Variants in GALNTL6 observed in about 807,000 individuals in gnomAD.
GALNTL6 encodes polypeptide N-acetylgalactosaminyltransferase like 6, also known as polypeptide N-acetylgalactosaminyltransferase-like 6.
GALNTL6 carries 46 observed loss-of-function variants against 73.7 expected under a neutral mutation model. The observed-to-expected ratio is 0.62, with a 90% CI of 0.49 to 0.80. The LOEUF is 0.80. Among genes scored for constraint, GALNTL6 ranks in the 30% least tolerant of loss-of-function variants. The pLI is 0.00. For synonymous variants in GALNTL6, 259 were observed against 263.7 expected (o/e 0.98, Z 0.17); for missense variants, 604 against 755.0 (o/e 0.80, Z 2.34).
chr4:172,819,459 T>A (rs1373251200), intron 7 of GALNTL6, among the ~76,000 whole-genome samples: 2 of 152,190 alleles, frequency 1.3e-5, no homozygotes. Context: ...ATTCAACTTA[T>A]TTTTACAAAA....
At chr4:172,680,995 G>A (rs915258687) in intron 5 of GALNTL6, among the ~76,000 whole-genome samples, 3 of 152,132 alleles carry the variant, frequency 2.0e-5, no homozygotes, top group African/African-American at 7.2e-5. Flanking sequence ...CACAGAAAAG[G>A]ATTCCATGTT....
intron 7 of GALNTL6, among the ~76,000 whole-genome samples, chr4:172,869,039 A>G (rs1273707553): frequency 6.6e-6 from 1 of 152,200 alleles, no homozygotes; most frequent in East Asian, 1.9e-4. Flanking sequence ...AATTGTGCAG[A>G]CATTAAATAC....
intron 2 of GALNTL6, among the ~76,000 whole-genome samples, chr4:171,985,430 A>G (rs1217345641): frequency 6.6e-6 from 1 of 152,186 alleles, no homozygotes; most frequent in African/African-American, 2.4e-5. Context: ...GGTCCCTCCC[A>G]CAACATGTGG....
In GALNTL6 at chr4:172,893,342, TGG is replaced by T. The variant is rs1342666940; in HGVS notation, c.1041+10436_1041+10437del. Among the ~76,000 whole-genome samples, 1,015 of 129,724 alleles carry T rather than the reference TGG, an allele frequency of 7.8e-3. 19 individuals carry two copies. The highest frequency in any genetic ancestry group is 0.031 in the African/African-American group (954 of 30,524). 85.1% of individuals were successfully genotyped at this position (129,724 alleles called of 152,430 possible). ...ATCACTCTTCTAAGTGTTCTGAGAG[TGG>T]CGGGGGGGGGGTCTTCCCCTTCTCA... On this transcript the variant is annotated intron_variant, in intron 8 of 12. Transcript: ENST00000506823.
At chr4:172,176,061 T>C (rs971412005) in intron 2 of GALNTL6, among the ~76,000 whole-genome samples, 19 of 152,092 alleles carry the variant, frequency 1.2e-4, no homozygotes, top group Admixed American at 3.9e-4. Context: ...GTATTCAGGC[T>C]GGGCGCGGTG....
At chr4:172,838,826 A>G (rs975742443) in intron 7 of GALNTL6, among the ~76,000 whole-genome samples, 10 of 152,212 alleles carry the variant, frequency 6.6e-5, no homozygotes, top group Admixed American at 5.2e-4. Context: ...ATAATAAAAA[A>G]GTCTTAAATT....
intron 5 of GALNTL6, among the ~76,000 whole-genome samples, chr4:172,389,918 CT>C (rs1376618213): frequency 1.3e-5 from 2 of 151,942 alleles, no homozygotes; most frequent in African/African-American, 4.8e-5. Flanking sequence ...GCTAGTTTTT[CT>C]TTAAAAATGA....
intron 7 of GALNTL6, among the ~76,000 whole-genome samples, chr4:172,830,507 T>C (rs1386857708): frequency 1.3e-5 from 2 of 152,212 alleles, no homozygotes; most frequent in Non-Finnish European, 2.9e-5. Flanking sequence ...GGTCAAAATC[T>C]TTGTTTTTGC....
chr4:172,758,497 C>T (rs1391998375), intron 5 of GALNTL6, among the ~76,000 whole-genome samples: 2 of 152,210 alleles, frequency 1.3e-5, no homozygotes, highest in African/African-American at 4.8e-5. Flanking sequence ...GATCACGCCC[C>T]TGCACTCCAG....
At position 172,184,826 on chromosome 4, in the gene GALNTL6, G is replaced by C. The variant is rs539076525; in HGVS notation, c.139-44830G>C. Among the ~76,000 whole-genome samples, 11 of 152,318 alleles carry C rather than the reference G, an allele frequency of 7.2e-5. No individual in the cohort carries two copies. The East Asian group carries it at 2.1e-3, about 29-fold the overall frequency. On this transcript the variant is annotated intron_variant, in intron 2 of 12. Coordinates refer to ENST00000506823, the MANE Select transcript of GALNTL6 (RefSeq NM_001034845.3). ...ATGGCAAAAGGTAGAAGGACAAGGG[G>C]GCTGGGGTGAGAGAGAGAGTGTGTT...
Position 172,893,395 on chromosome 4 carries a change from A to G in GALNTL6, c.1041+10488A>G, listed in dbSNP as rs1746153022. 2.6e-5 allele frequency among the ~76,000 whole-genome samples: 4 copies of G among 151,440 alleles called. No homozygotes were observed. The South Asian group carries it at 8.4e-4, about 32-fold the overall frequency. On this transcript the variant is annotated intron_variant, in intron 8 of 12. Transcript: ENST00000506823. ...AACTCAAGCCAAAGATCTCAGCTCCAAACCCCTGGACAGTGTGCTCGAATC... is the reference window on the plus strand; with the variant it reads ...AACTCAAGCCAAAGATCTCAGCTCCGAACCCCTGGACAGTGTGCTCGAATC...
At chr4:172,383,606 G>T (rs1048744307) in intron 5 of GALNTL6, among the ~76,000 whole-genome samples, 1 of 151,982 alleles carries the variant, frequency 6.6e-6, no homozygotes, top group Non-Finnish European at 1.5e-5. Context: ...TAATTGTCCT[G>T]GTTAGAATCT....
Position 172,348,759 on chromosome 4 carries a change from A to G in GALNTL6, c.553+70A>G, listed in dbSNP as rs1022762793. The G allele has an allele frequency of 4.9e-6, 5 of 1,017,548 alleles. No homozygotes were observed. The African/African-American group carries it at 8.2e-5, about 17-fold the overall frequency. The allele number at this position is 1,017,548 out of a possible 1,614,324, so 63.0% of individuals were successfully genotyped here. Reference sequence around the variant, plus strand: ...ACATAATCATTAAGGACTTTTTAAAAAAGACAATGGGAGCTTCTTTCTGAT... The same window carrying G: ...ACATAATCATTAAGGACTTTTTAAAGAAGACAATGGGAGCTTCTTTCTGAT... On this transcript the variant is annotated intron_variant, in intron 5 of 12. Transcript: ENST00000506823.
intron 7 of GALNTL6, among the ~76,000 whole-genome samples, chr4:172,841,358 G>A (rs372523608): frequency 5.4e-4 from 82 of 152,172 alleles, no homozygotes; most frequent in South Asian, 4.4e-3. Flanking sequence ...CAATACTATC[G>A]TTAATCCCTT....
At chr4:172,087,767 A>G (rs1357787781) in intron 2 of GALNTL6, among the ~76,000 whole-genome samples, 1 of 151,936 alleles carries the variant, frequency 6.6e-6, no homozygotes, top group Non-Finnish European at 1.5e-5. Flanking sequence ...TAGCAGAAAA[A>G]AAAAAAACAG....
intron 5 of GALNTL6, among the ~76,000 whole-genome samples, chr4:172,775,139 T>A (rs1309039855): frequency 6.6e-6 from 1 of 152,102 alleles, no homozygotes; most frequent in Non-Finnish European, 1.5e-5. Flanking sequence ...TTTCTTGAGA[T>A]GACCAAATAT....
At chr4:171,853,571 G>T (rs1372689981) in intron 2 of GALNTL6, among the ~76,000 whole-genome samples, 9 of 55,026 alleles carry the variant, frequency 1.6e-4, no homozygotes, top group Admixed American at 4.8e-4. Context: ...CAAGCTTTTT[G>T]CTTTTTTCTC....
intron 3 of GALNTL6, among the ~76,000 whole-genome samples, chr4:172,261,483 G>C (rs576288585): frequency 6.6e-6 from 1 of 151,378 alleles, no homozygotes; most frequent in Non-Finnish European, 1.5e-5. Context: ...GAGACTATTT[G>C]GATCTTCTCC....
chr4:172,956,809 T>C (rs1051694809), intron 10 of GALNTL6, among the ~76,000 whole-genome samples: 6 of 152,188 alleles, frequency 3.9e-5, no homozygotes, highest in Non-Finnish European at 8.8e-5. Flanking sequence ...GTGAGGTGTG[T>C]CTTTAAAAGA....
Sources: gnomAD v4.1 joint callset for allele counts (sites outside exome capture counted in the v4.1 genomes callset) on GRCh38, gnomAD v4.1.1 for gene constraint, MANE v1.5 for transcripts, NCBI Gene and HGNC (gene_info 2026-07-23, HGNC 2026-07-21) for gene names.